SLC16A14: variants seen among roughly 807,000 people sequenced by gnomAD.
SLC16A14 encodes monocarboxylate transporter 14.
A neutral mutation model predicts 35.8 loss-of-function variants in SLC16A14; 14 were observed. The ratio of observed to expected loss-of-function variants is 0.39; its 90% CI spans 0.26 to 0.61. The LOEUF is 0.61. Among genes scored for constraint, SLC16A14 ranks in the 20% least tolerant of loss-of-function variants. The probability of loss-of-function intolerance (pLI) is 0.51; values close to 1 mark genes in which losing one functional copy is unlikely to be tolerated. For synonymous variants in SLC16A14, 248 were observed against 258.9 expected, an observed-to-expected ratio of 0.96 and a Z score of 0.40; for missense variants, 533 against 655.0, an observed-to-expected ratio of 0.81 and a Z score of 2.03.
chr2:230,041,121 C>T (rs1577382402), intron 4 of SLC16A14, among the ~76,000 whole-genome samples: 1 of 152,212 alleles, frequency 6.6e-6, no homozygotes, highest in East Asian at 1.9e-4. Flanking sequence ...TCATTTGAGT[C>T]TGTCAAATAA....
At chr2:230,059,755 G>A (rs1300998790) in intron 1 of SLC16A14, among the ~76,000 whole-genome samples, 1 of 152,222 alleles carries the variant, frequency 6.6e-6, no homozygotes, top group Non-Finnish European at 1.5e-5. Flanking sequence ...TGACAAGAAA[G>A]ATGTCAAAGA....
intron 2 of SLC16A14, among the ~76,000 whole-genome samples, chr2:230,052,123 G>T (rs1045638173): frequency 2.0e-5 from 3 of 152,004 alleles, no homozygotes; most frequent in Admixed American, 2.0e-4. Context: ...TTTTAGTAGA[G>T]ACGGGGTTTC....
chr2:230,067,591 G>T (rs1017461266), intron 1 of SLC16A14, among the ~76,000 whole-genome samples: 2 of 134,480 alleles, frequency 1.5e-5, no homozygotes, highest in Non-Finnish European at 3.1e-5. Context: ...ACACACAGCC[G>T]CACACGCACG....
chr2:230,051,905 C>A (rs954029882), intron 2 of SLC16A14, among the ~76,000 whole-genome samples: 1 of 151,446 alleles, frequency 6.6e-6, no homozygotes, highest in Non-Finnish European at 1.5e-5. Context: ...AGTAAATTAA[C>A]TCCTTAGAAT....
chr2:230,052,534 C>T (rs1178944464), intron 2 of SLC16A14, among the ~76,000 whole-genome samples: 1 of 151,344 alleles, frequency 6.6e-6, no homozygotes, highest in African/African-American at 2.4e-5. Flanking sequence ...TTCAGTAGCA[C>T]AATCATATTT....
intron 1 of SLC16A14, among the ~76,000 whole-genome samples, chr2:230,062,867 C>T (rs2077762018): frequency 6.6e-6 from 1 of 152,224 alleles, no homozygotes; most frequent in Non-Finnish European, 1.5e-5. Context: ...TCCTCAACAG[C>T]TGTCCAGTCC....
At position 230,036,129 on chromosome 2, in the gene SLC16A14, G is replaced by A. The variant is rs969691760; in HGVS notation, c.*1251C>T. ...ATAGTCTTAAACTATCTGTAAACAA[G>A]TAAGGCAGCCAGAAATTTCAAATGA... On this transcript the variant is annotated 3_prime_UTR_variant, in exon 5 of 5. Coordinates refer to ENST00000295190, the MANE Select transcript of SLC16A14 (RefSeq NM_152527.5). The A allele has an allele frequency of 6.6e-6, 1 of 152,606 alleles. No homozygotes were observed. The highest frequency in any genetic ancestry group is 2.4e-5 in the African/African-American group (1 of 41,450). 9.5% of individuals were successfully genotyped at this position (152,606 alleles called of 1,614,324 possible).
intron 2 of SLC16A14, among the ~76,000 whole-genome samples, chr2:230,057,416 A>G (rs2077714280): frequency 6.6e-6 from 1 of 152,194 alleles, no homozygotes. Context: ...ATAGAAGAAT[A>G]GGGAGTGTAT....
chr2:230,042,439 C>T (rs572407820), intron 4 of SLC16A14, among the ~76,000 whole-genome samples: 1 of 152,350 alleles, frequency 6.6e-6, no homozygotes, highest in South Asian at 2.1e-4. Flanking sequence ...ATGAGAATTA[C>T]TCATGCCATA....
intron 1 of SLC16A14, among the ~76,000 whole-genome samples, chr2:230,067,749 A>C (rs2077813531): frequency 1.3e-5 from 2 of 152,164 alleles, no homozygotes; most frequent in African/African-American, 2.4e-5. Context: ...AGCTCCTAAA[A>C]CATCGTCATG....
chr2:230,054,338 C>A (rs2077687853), intron 2 of SLC16A14, among the ~76,000 whole-genome samples: 2 of 152,192 alleles, frequency 1.3e-5, no homozygotes, highest in Admixed American at 1.3e-4. Flanking sequence ...CTGAGTCATG[C>A]AAGCAACTGC....
intron 4 of SLC16A14, among the ~76,000 whole-genome samples, chr2:230,039,237 AC>A (rs1217011360): frequency 1.3e-5 from 2 of 152,090 alleles, no homozygotes; most frequent in Middle Eastern, 3.2e-3. Context: ...CTTTAAAAAA[AC>A]AACTCGTTAA....
At chr2:230,039,126 A>G (rs1164434201) in intron 4 of SLC16A14, among the ~76,000 whole-genome samples, 2 of 151,576 alleles carry the variant, frequency 1.3e-5, no homozygotes, top group Non-Finnish European at 2.9e-5. Flanking sequence ...TGTTTATTGT[A>G]TCTAGTGTGT....
intron 1 of SLC16A14, among the ~76,000 whole-genome samples, chr2:230,063,813 T>C (rs1223861185): frequency 6.6e-6 from 1 of 152,096 alleles, no homozygotes; most frequent in Non-Finnish European, 1.5e-5. Context: ...AGAAATTTCC[T>C]CAATATGCCA....
intron 1 of SLC16A14, among the ~76,000 whole-genome samples, chr2:230,063,627 G>A (rs2077768744): frequency 6.6e-6 from 1 of 152,188 alleles, no homozygotes; most frequent in Non-Finnish European, 1.5e-5. Flanking sequence ...CATTTTCAAA[G>A]AGCCCTAGAC....
At chr2:230,037,776 A>G (rs2077530347) in intron 4 of SLC16A14, among the ~76,000 whole-genome samples, 1 of 151,806 alleles carries the variant, frequency 6.6e-6, no homozygotes, top group Non-Finnish European at 1.5e-5. Context: ...CCTACGGAGG[A>G]CTGCATTCGT....
intron 2 of SLC16A14, among the ~76,000 whole-genome samples, chr2:230,050,483 G>A (rs937422228): frequency 6.6e-6 from 1 of 152,088 alleles, no homozygotes; most frequent in African/African-American, 2.4e-5. Flanking sequence ...GACTAAAATA[G>A]AAATATTAAA....
intron 1 of SLC16A14, among the ~76,000 whole-genome samples, chr2:230,064,751 C>T (rs1167528390): frequency 6.6e-6 from 1 of 152,174 alleles, no homozygotes; most frequent in African/African-American, 2.4e-5. Flanking sequence ...TGGCTTATGC[C>T]TGTAATCCCA....
intron 2 of SLC16A14, among the ~76,000 whole-genome samples, chr2:230,052,364 TAG>T (rs2077668494): frequency 6.6e-6 from 1 of 152,228 alleles, no homozygotes; most frequent in Admixed American, 6.5e-5. Context: ...TACCGTAAGT[TAG>T]AGATACTTGT....
Sources: allele counts gnomAD v4.1 joint callset (sites outside exome capture counted in the v4.1 genomes callset), GRCh38; gene constraint gnomAD v4.1.1; transcripts MANE v1.5; gene names NCBI Gene and HGNC (gene_info 2026-07-23, HGNC 2026-07-21).